Variants in ZNF385D observed in about 807,000 individuals in gnomAD.
ZNF385D encodes the protein zinc finger protein 385D.
Under a neutral mutation model 35.8 loss-of-function variants are expected in ZNF385D, and 15 were observed. The observed-to-expected ratio is 0.42, with a 90% CI of 0.28 to 0.64. ZNF385D has a LOEUF of 0.64. Among genes scored for constraint, ZNF385D ranks in the 30% least tolerant of loss-of-function variants. The probability of loss-of-function intolerance (pLI) is 0.23; values close to 1 mark genes in which losing one functional copy is unlikely to be tolerated. For missense variants in ZNF385D, 474 were observed against 494.6 expected (o/e 0.96, Z 0.39); for synonymous variants, 212 against 186.8 (o/e 1.13, Z -1.10).
chr3:22,010,548 A>C (rs1250384355), intron 3 of ZNF385D, among the ~76,000 whole-genome samples: 2 of 152,190 alleles, frequency 1.3e-5, no homozygotes, highest in Non-Finnish European at 2.9e-5. Flanking sequence ...AGAGACTGCA[A>C]GTCCAATATG....
At chr3:21,790,316 A>G (rs2071874842) in intron 3 of ZNF385D, among the ~76,000 whole-genome samples, 2 of 152,140 alleles carry the variant, frequency 1.3e-5, no homozygotes, top group African/African-American at 4.8e-5. Context: ...TACTCCTGCT[A>G]AAATAGATGG....
chr3:22,096,815 C>T (rs184553275), intron 3 of ZNF385D, among the ~76,000 whole-genome samples: 1 of 152,064 alleles, frequency 6.6e-6, no homozygotes, highest in African/African-American at 2.4e-5. Flanking sequence ...TATGGCCTCA[C>T]AATTCTCTGA....
rs553454950 is a variant in ZNF385D at position 21,955,908 on chromosome 3, A to G, written c.325+212909T>C. Among the ~76,000 whole-genome samples, 85 of 152,216 alleles carry G rather than the reference A, an allele frequency of 5.6e-4. 1 individual carries two copies. The Middle Eastern group carries it at 0.01, about 18-fold the overall frequency. On this transcript the variant is annotated intron_variant, in intron 3 of 5. Transcript: ENST00000494108. The stretch of plus-strand genomic sequence containing the variant: ...AGGTAAGAACCTGAGTTTATTGGCC[A>G]GGCATAATGGATCAGGTCTGAAATC...
At chr3:21,818,759 T>G (rs1559654486) in intron 3 of ZNF385D, among the ~76,000 whole-genome samples, 1 of 152,070 alleles carries the variant, frequency 6.6e-6, no homozygotes, top group African/African-American at 2.4e-5. Flanking sequence ...GTAATGAACA[T>G]TCATTATCCA....
At chr3:22,020,201 G>T (rs1300383360) in intron 3 of ZNF385D, among the ~76,000 whole-genome samples, 1 of 151,834 alleles carries the variant, frequency 6.6e-6, no homozygotes, top group East Asian at 1.9e-4. Flanking sequence ...TTAAAGTGGT[G>T]TGGGGTACAG....
At chr3:21,911,773 C>G (rs2125913926) in intron 3 of ZNF385D, among the ~76,000 whole-genome samples, 1 of 151,936 alleles carries the variant, frequency 6.6e-6, no homozygotes, top group Non-Finnish European at 1.5e-5. Context: ...TACTATGTAC[C>G]TATAAACAGG....
chr3:22,045,812 A>C (rs1698969893), intron 3 of ZNF385D, among the ~76,000 whole-genome samples: 1 of 152,012 alleles, frequency 6.6e-6, no homozygotes, highest in African/African-American at 2.4e-5. Context: ...CGATTTCTAT[A>C]AGGCTACCTG....
At chr3:22,059,075 G>T (rs1247066388) in intron 3 of ZNF385D, among the ~76,000 whole-genome samples, 1 of 152,214 alleles carries the variant, frequency 6.6e-6, no homozygotes, top group African/African-American at 2.4e-5. Context: ...CGGCCAAGCA[G>T]CTGGGCAATC....
intron 4 of ZNF385D, among the ~76,000 whole-genome samples, chr3:21,460,192 CAGTGCCAGAAAA>C (rs773790249): frequency 2.2e-4 from 34 of 152,090 alleles, no homozygotes; most frequent in Admixed American, 9.8e-4. Context: ...TTTTTCTTCT[CAGTGCCAGAAAA>C]AATAAAATTC....
chr3:21,577,676 A>AT (rs2063533094), intron 2 of ZNF385D, among the ~76,000 whole-genome samples: 1 of 151,560 alleles, frequency 6.6e-6, no homozygotes, highest in African/African-American at 2.4e-5. Flanking sequence ...CTAGCAGGTT[A>AT]TTTTTTGTCT....
At chr3:21,621,152 C>G (rs1286636178) in intron 2 of ZNF385D, among the ~76,000 whole-genome samples, 1 of 152,082 alleles carries the variant, frequency 6.6e-6, no homozygotes, top group Non-Finnish European at 1.5e-5. Flanking sequence ...GGACTCCTTG[C>G]TGCAAATACT....
intron 3 of ZNF385D, among the ~76,000 whole-genome samples, chr3:21,962,706 G>T (rs1702663488): frequency 6.6e-6 from 1 of 152,126 alleles, no homozygotes; most frequent in African/African-American, 2.4e-5. Context: ...CTGTGGAAAG[G>T]TATTTTTTTG....
intron 4 of ZNF385D, among the ~76,000 whole-genome samples, chr3:21,462,484 C>G (rs970174970): frequency 6.6e-6 from 1 of 152,026 alleles, no homozygotes; most frequent in African/African-American, 2.4e-5. Context: ...AGGTAAATAC[C>G]TTGATACCAT....
chr3:21,558,244 G>A (rs528977038), intron 3 of ZNF385D, among the ~76,000 whole-genome samples: 6 of 151,336 alleles, frequency 4.0e-5, no homozygotes, highest in African/African-American at 1.2e-4. Context: ...TAATTGTGAT[G>A]TTAGGGTGTC....
chr3:21,829,098 T>A (rs1694832220), intron 3 of ZNF385D, among the ~76,000 whole-genome samples: 1 of 152,220 alleles, frequency 6.6e-6, no homozygotes, highest in Non-Finnish European at 1.5e-5. Flanking sequence ...AGGATTAGAA[T>A]GTTGACATTT....
rs142011771 is a variant in ZNF385D at position 22,254,916 on chromosome 3, C to A, written c.107-85881G>T. The stretch of plus-strand genomic sequence containing the variant: ...CAAAGATGGCCAAATAATTGACTAA[C>A]ATGGGGGTAGTGTATATAGTATAGA... On this transcript the variant is annotated intron_variant, in intron 2 of 5. Transcript: ENST00000494108. Among the ~76,000 whole-genome samples the A allele has an allele frequency of 8.6e-3, 1,310 of 151,896 alleles. 38 individuals are homozygous for A. The highest frequency in any genetic ancestry group is 0.054 in the Admixed American group (822 of 15,196).
intron 3 of ZNF385D, among the ~76,000 whole-genome samples, chr3:21,813,613 T>C (rs2073026974): frequency 6.6e-6 from 1 of 151,904 alleles, no homozygotes; most frequent in East Asian, 1.9e-4. Context: ...TGATTGAAGA[T>C]CAAATGAATG....
chr3:22,207,424 T>C (rs1697229865), intron 2 of ZNF385D, among the ~76,000 whole-genome samples: 1 of 151,894 alleles, frequency 6.6e-6, no homozygotes, highest in Non-Finnish European at 1.5e-5. Flanking sequence ...TCTCCTGCCC[T>C]ACACAAAAAT....
intron 2 of ZNF385D, among the ~76,000 whole-genome samples, chr3:21,653,984 A>G (rs541330666): frequency 1.3e-5 from 2 of 152,084 alleles, no homozygotes; most frequent in African/African-American, 4.8e-5. Flanking sequence ...TCTAAAGAAC[A>G]TAAAGATGTT....
Sources: gnomAD v4.1 joint callset for allele counts (sites outside exome capture counted in the v4.1 genomes callset) on GRCh38, gnomAD v4.1.1 for gene constraint, MANE v1.5 for transcripts, NCBI Gene and HGNC (gene_info 2026-07-23, HGNC 2026-07-21) for gene names.